Variants in SLC44A5 observed in about 807,000 individuals in gnomAD.
The protein encoded by SLC44A5 is solute carrier family 44 member 5, also known as choline transporter-like protein 5.
A neutral mutation model predicts 101.8 loss-of-function variants in SLC44A5; 57 were observed. The ratio of observed to expected loss-of-function variants is 0.56; its 90% CI spans 0.45 to 0.70. The LOEUF (loss-of-function observed/expected upper bound fraction) is 0.70, where lower values mean the gene tolerates loss of function less well. SLC44A5 is among the 30% of genes least tolerant of loss of function. The pLI, the probability that SLC44A5 is intolerant of heterozygous loss-of-function variation, is 0.00. For missense variants in SLC44A5, 737 were observed against 853.1 expected, an observed-to-expected ratio of 0.86 and a Z score of 1.70; for synonymous variants, 281 against 290.9, an observed-to-expected ratio of 0.97 and a Z score of 0.35.
At chr1:75,572,470 C>T (rs895413474) in intron 1 of SLC44A5, among the ~76,000 whole-genome samples, 16 of 152,188 alleles carry the variant, frequency 1.1e-4, no homozygotes. Flanking sequence ...AGAAGTATAA[C>T]TTCCATAGAC....
At chr1:75,661,295 A>C in the SLC44A5 span, among the ~76,000 whole-genome samples, 1 of 150,868 alleles carries the variant, frequency 6.6e-6, no homozygotes, top group Non-Finnish European at 1.5e-5. Context: ...TGTAGAATGA[A>C]ACTAGAACTC....
intron 2 of SLC44A5, among the ~76,000 whole-genome samples, chr1:75,424,494 C>A (rs1253997090): frequency 6.6e-6 from 1 of 152,054 alleles, no homozygotes; most frequent in African/African-American, 2.4e-5. Flanking sequence ...TTAGTAGAGC[C>A]AGGTTTCACC....
chr1:75,313,190 G>A (rs1455911645), intron 4 of SLC44A5, among the ~76,000 whole-genome samples: 1 of 152,104 alleles, frequency 6.6e-6, no homozygotes, highest in African/African-American at 2.4e-5. Flanking sequence ...CAGGAATACT[G>A]TGAAAATAAA....
At chr1:75,610,048 C>G (rs1014947093) in intron 1 of SLC44A5, among the ~76,000 whole-genome samples, 1 of 151,654 alleles carries the variant, frequency 6.6e-6, no homozygotes, top group Admixed American at 6.6e-5. Flanking sequence ...AGATCACTCA[C>G]ATAACTAGCA....
At chr1:75,362,448 T>G (rs945265151) in intron 3 of SLC44A5, among the ~76,000 whole-genome samples, 4 of 152,040 alleles carry the variant, frequency 2.6e-5, no homozygotes, top group African/African-American at 9.7e-5. Context: ...CTTTTAGAAC[T>G]GTTTCTGGGG....
At chr1:75,345,654 C>T (rs1422302259) in intron 3 of SLC44A5, among the ~76,000 whole-genome samples, 1 of 152,010 alleles carries the variant, frequency 6.6e-6, no homozygotes. Flanking sequence ...TTTAACCATA[C>T]TTAGAGGAAA....
intron 2 of SLC44A5, among the ~76,000 whole-genome samples, chr1:75,533,984 ACC>A (rs1241820097): frequency 2.0e-5 from 3 of 152,164 alleles, no homozygotes; most frequent in Non-Finnish European, 4.4e-5. Context: ...GCAGATAATT[ACC>A]CAAGAAGTTG....
rs181004887 is a variant in SLC44A5, at chr1:75,406,508, C to T, written c.14-9887G>A. 1.3e-3 allele frequency among the ~76,000 whole-genome samples: 196 copies of T among 152,268 alleles called. 3 individuals carry two copies. The highest frequency in any genetic ancestry group is 4.6e-3 in the African/African-American group (193 of 41,560). On this transcript the variant is annotated intron_variant, in intron 2 of 23. Coordinates refer to ENST00000370859, the MANE Select transcript of SLC44A5 (RefSeq NM_001130058.2). ...TCCGGCAGCACATCAAAAAGCTTAT[C>T]CACAACAATCAAGTCGGCTTTATCC...
intron 1 of SLC44A5, among the ~76,000 whole-genome samples, chr1:75,559,270 G>T (rs1316714384): frequency 6.6e-6 from 1 of 152,000 alleles, no homozygotes; most frequent in African/African-American, 2.4e-5. Flanking sequence ...AAAGGAAAAA[G>T]AAGCAGAACT....
intron 4 of SLC44A5, among the ~76,000 whole-genome samples, chr1:75,330,883 C>T (rs1434278757): frequency 1.3e-5 from 2 of 152,068 alleles, no homozygotes; most frequent in Non-Finnish European, 2.9e-5. Context: ...TCTTGTTTGA[C>T]CTCTCAAGGT....
At chr1:75,588,080 G>A (rs1674122731) in intron 1 of SLC44A5, among the ~76,000 whole-genome samples, 1 of 152,142 alleles carries the variant, frequency 6.6e-6, no homozygotes, top group Non-Finnish European at 1.5e-5. Flanking sequence ...AGGCTGTCCT[G>A]GAGGTAAGCT....
At chr1:75,402,849 A>C (rs893825512) in intron 2 of SLC44A5, among the ~76,000 whole-genome samples, 14 of 152,030 alleles carry the variant, frequency 9.2e-5, no homozygotes, top group Non-Finnish European at 1.6e-4. Flanking sequence ...AGACAGAACC[A>C]TTTACTCCCC....
At chr1:75,550,594 A>G (rs1354615208) in intron 1 of SLC44A5, among the ~76,000 whole-genome samples, 1 of 152,174 alleles carries the variant, frequency 6.6e-6, no homozygotes, top group African/African-American at 2.4e-5. Context: ...CATTATTTGA[A>G]CAATAGACTA....
rs968933845 is a variant in SLC44A5, at chr1:75,339,679, T to A, written c.53-49A>T. The A allele has an allele frequency of 5.5e-6, 8 of 1,463,448 alleles. No individual in the cohort carries two copies. In the East Asian group the frequency reaches 1.8e-4, roughly 34 times the overall value. The allele number at this position is 1,463,448 out of a possible 1,614,324, so 90.7% of individuals were successfully genotyped here. ...TAAGCATATAAGCCAGCAAATAAAT[T>A]AATATAAAATATTAATGAAGAAATA... On this transcript the variant is annotated intron_variant, in intron 3 of 23. Coordinates refer to ENST00000370859, the MANE Select transcript of SLC44A5 (RefSeq NM_001130058.2).
At chr1:75,359,961 T>C (rs1181156266) in intron 3 of SLC44A5, among the ~76,000 whole-genome samples, 1 of 152,218 alleles carries the variant, frequency 6.6e-6, no homozygotes. Flanking sequence ...CATTTATATA[T>C]CTTTTTTTGA....
At chr1:75,265,538 C>CT (rs1650913580) in intron 6 of SLC44A5, among the ~76,000 whole-genome samples, 5 of 152,108 alleles carry the variant, frequency 3.3e-5, no homozygotes, top group Non-Finnish European at 7.4e-5. Flanking sequence ...ATGTACTGTA[C>CT]ATTTCAAAGC....
the SLC44A5 span, among the ~76,000 whole-genome samples, chr1:75,623,341 G>C: frequency 6.6e-6 from 1 of 151,976 alleles, no homozygotes; most frequent in Non-Finnish European, 1.5e-5. Context: ...AAATGAACTA[G>C]GCAAAAAGTA....
intron 2 of SLC44A5, among the ~76,000 whole-genome samples, chr1:75,411,955 CTA>C (rs1319794873): frequency 6.6e-6 from 1 of 152,012 alleles, no homozygotes; most frequent in Non-Finnish European, 1.5e-5. Flanking sequence ...TGACAATTCG[CTA>C]TGATTTATAA....
intron 4 of SLC44A5, among the ~76,000 whole-genome samples, chr1:75,325,197 T>C (rs1233435853): frequency 6.6e-6 from 1 of 152,144 alleles, no homozygotes; most frequent in Non-Finnish European, 1.5e-5. Flanking sequence ...AGAGGGAACA[T>C]GTGGACTTGA....
Sources: gnomAD v4.1 joint callset for allele counts (sites outside exome capture counted in the v4.1 genomes callset) on GRCh38, gnomAD v4.1.1 for gene constraint, MANE v1.5 for transcripts, NCBI Gene and HGNC (gene_info 2026-07-23, HGNC 2026-07-21) for gene names.